Variants in CAPN13 observed in about 807,000 individuals in gnomAD.
The protein encoded by CAPN13 is calpain 13, also known as calpain-13.
In CAPN13, 90 loss-of-function variants were observed where a neutral mutation model predicts 98.4. That is an observed-to-expected ratio of 0.92 (90% confidence interval 0.77 to 1.09). The LOEUF is 1.09. Ranked by LOEUF, CAPN13 falls within the 50% of genes least tolerant of loss-of-function variation. CAPN13 has a pLI of 0.00. For missense variants in CAPN13, 887 were observed against 841.3 expected, an observed-to-expected ratio of 1.05 and a Z score of -0.67; for synonymous variants, 330 against 305.5, an observed-to-expected ratio of 1.08 and a Z score of -0.84.
chr2:30,741,398 A>G (rs544656687), intron 15 of CAPN13: 1 of 988,904 alleles, frequency 1.0e-6, no homozygotes, highest in Admixed American at 6.0e-5. Flanking sequence ...CTCATTGTGC[A>G]GAGCCCCTGG....
chr2:30,781,885 T>C (rs78970737), intron 2 of CAPN13, among the ~76,000 whole-genome samples: 3,201 of 152,286 alleles, frequency 0.021, 99 homozygotes, highest in African/African-American at 0.07. Flanking sequence ...TATTGATATA[T>C]TTACTAGCAA....
chr2:30,777,627 C>A lies in CAPN13; in HGVS notation c.211G>T (p.Gly71Cys), dbSNP rs553262545. The A allele has an allele frequency of 2.4e-5, 38 of 1,575,516 alleles. No individual in the cohort carries two copies. In the East Asian group the frequency reaches 6.9e-4, roughly 29 times the overall value. The change falls in exon 3 of 23, where the codon GGT becomes TGT. Residue 71 changes from glycine to cysteine, a missense_variant. Coordinates refer to ENST00000295055, the MANE Select transcript of CAPN13 (RefSeq NM_144575.3). ...TCATCCAGGATGAAGTGAGGAGGAC[C>A]CCCTGGTAGATCCTTTAGGAAAGAG... The part of the protein sequence containing the change: ...IWKRPQDLPG[G>C]PPHFILDDIS...
intron 13 of CAPN13, among the ~76,000 whole-genome samples, chr2:30,742,927 C>T (rs945576461): frequency 2.6e-5 from 4 of 152,182 alleles, no homozygotes; most frequent in African/African-American, 9.7e-5. Context: ...TGGCCAAATG[C>T]CACCTTCCTG....
chr2:30,725,874 T>C (rs1670840005), intron 22 of CAPN13, among the ~76,000 whole-genome samples: 1 of 152,138 alleles, frequency 6.6e-6, no homozygotes, highest in Non-Finnish European at 1.5e-5. Context: ...CTTCATAAGA[T>C]AATATGGGTC....
At chr2:30,799,145 AGAAG>A (rs1675039729) in intron 1 of CAPN13, among the ~76,000 whole-genome samples, 1 of 152,086 alleles carries the variant, frequency 6.6e-6, no homozygotes, top group African/African-American at 2.4e-5. Context: ...GGGGGTAAGA[AGAAG>A]GAAGGAAGAC....
rs11889549 is a variant in CAPN13, at chr2:30,736,500, T to C, written c.1722+3A>G. On this transcript the variant is annotated splice_donor_region_variant and intron_variant, in intron 18 of 22. Coordinates refer to ENST00000295055, the MANE Select transcript of CAPN13 (RefSeq NM_144575.3). ...GTGCTAGTCACAGAGAATGTGCCCG[T>C]ACCTGGTAGTGAACAAGGCGCTTCC... The C allele has an allele frequency of 0.021, 33,203 of 1,613,756 alleles. 570 individuals carry two copies. Among genetic ancestry groups the C allele is most frequent in the Middle Eastern group, 0.1 (635 of 6,058 alleles).
intron 14 of CAPN13, 41 bp downstream of exon 14, chr2:30,742,285 G>A: frequency 6.3e-7 from 1 of 1,587,408 alleles, no homozygotes; most frequent in Non-Finnish European, 8.6e-7. Flanking sequence ...GATGGGATGG[G>A]GCCAATGAGG....
At chr2:30,736,610 G>T in intron 17 of CAPN13, 39 bp from the exon 18 acceptor site, 2 of 1,590,342 alleles carry the variant, frequency 1.3e-6, no homozygotes, top group African/African-American at 1.3e-5. Flanking sequence ...CAGCGTGCAA[G>T]GTGCAGAGGG....
intron 8 of CAPN13, among the ~76,000 whole-genome samples, chr2:30,756,126 C>T (rs1672431854): frequency 6.6e-6 from 1 of 151,900 alleles, no homozygotes; most frequent in South Asian, 2.1e-4. Flanking sequence ...CCCCCAGTCC[C>T]TGCTCTGCAA....
chr2:30,776,906 T>C (rs1007331770), intron 3 of CAPN13, among the ~76,000 whole-genome samples: 1 of 152,230 alleles, frequency 6.6e-6, no homozygotes, highest in South Asian at 2.1e-4. Flanking sequence ...GCAGGCTCTA[T>C]TGACTTGGTC....
At chr2:30,791,988 C>T (rs1057316717) in intron 1 of CAPN13, among the ~76,000 whole-genome samples, 1 of 152,174 alleles carries the variant, frequency 6.6e-6, no homozygotes, top group Non-Finnish European at 1.5e-5. Flanking sequence ...CCCGGTTTCT[C>T]TCTTTTCCCT....
At chr2:30,767,381 C>T (rs552825212) in intron 5 of CAPN13, among the ~76,000 whole-genome samples, 3 of 152,138 alleles carry the variant, frequency 2.0e-5, no homozygotes, top group African/African-American at 7.2e-5. Flanking sequence ...AATGCGGATG[C>T]CAGGTCCACG....
At chr2:30,750,586 G>C (rs1421765656) in intron 11 of CAPN13, among the ~76,000 whole-genome samples, 1 of 152,114 alleles carries the variant, frequency 6.6e-6, no homozygotes, top group Non-Finnish European at 1.5e-5. Context: ...AAACGTAAGA[G>C]AAAAACACAC....
chr2:30,736,595 C>A, intron 17 of CAPN13, 24 bp from the exon 18 acceptor site: 6 of 1,613,126 alleles, frequency 3.7e-6, no homozygotes, highest in Non-Finnish European at 5.1e-6. Flanking sequence ...TAAGAGTGAA[C>A]CAGCCAGCGT....
At chr2:30,792,129 A>C (rs922471533) in intron 1 of CAPN13, among the ~76,000 whole-genome samples, 3 of 152,178 alleles carry the variant, frequency 2.0e-5, no homozygotes, top group African/African-American at 7.2e-5. Context: ...ATAATATCAT[A>C]AGAGAATTAG....
At chr2:30,770,509 C>A in intron 4 of CAPN13, 60 bp from the exon 5 acceptor site, 3 of 1,580,548 alleles carry the variant, frequency 1.9e-6, no homozygotes, top group South Asian at 1.2e-5. Flanking sequence ...CTCCTGGGTC[C>A]CCCAACCTAA....
At chr2:30,724,120 C>A (rs559592109) in intron 22 of CAPN13, among the ~76,000 whole-genome samples, 1 of 152,186 alleles carries the variant, frequency 6.6e-6, no homozygotes, top group South Asian at 2.1e-4. Flanking sequence ...CTACATCTTC[C>A]CTCCTTCTGA....
chr2:30,770,408 G>A lies in CAPN13; in HGVS notation c.429C>T (p.Asp143=), dbSNP rs752620159. ...ATTTATCTCCCTGGACAGGTAGGCG[G>A]TCATCAATCACCACTTCCACCCACT... The part of the protein sequence containing the change: ...CGQWVEVVID[D]RLPVQGDKCL... The change falls in exon 5 of 23, where the codon GAC becomes GAT. Residue 143 remains aspartate (D), a synonymous_variant. Transcript: ENST00000295055. 15 of 1,613,892 alleles carry A rather than the reference G, an allele frequency of 9.3e-6. No individual in the cohort carries two copies. The highest frequency in any genetic ancestry group is 1.2e-5 in the Non-Finnish European group (14 of 1,179,894).
intron 11 of CAPN13, among the ~76,000 whole-genome samples, chr2:30,749,818 G>C (rs1321962418): frequency 6.6e-6 from 1 of 152,194 alleles, no homozygotes; most frequent in Non-Finnish European, 1.5e-5. Context: ...TATGGTTTGA[G>C]AACCTTCACT....
Sources: allele counts gnomAD v4.1 joint callset (sites outside exome capture counted in the v4.1 genomes callset), GRCh38; gene constraint gnomAD v4.1.1; transcripts MANE v1.5; gene names NCBI Gene and HGNC (gene_info 2026-07-23, HGNC 2026-07-21).